Variants in KIF2A observed in about 807,000 individuals in gnomAD.
KIF2A encodes kinesin family member 2A.
KIF2A carries 22 observed loss-of-function variants against 100.2 expected under a neutral mutation model. The ratio of observed to expected loss-of-function variants is 0.22; its 90% CI spans 0.16 to 0.31. The LOEUF (loss-of-function observed/expected upper bound fraction) is 0.31, where lower values mean the gene tolerates loss of function less well. KIF2A is among the 10% of genes least tolerant of loss of function. The pLI, the probability that KIF2A is intolerant of heterozygous loss-of-function variation, is 1.00. For synonymous variants in KIF2A, 268 were observed against 285.9 expected (o/e 0.94, Z 0.63); for missense variants, 495 against 898.7 (o/e 0.55, Z 5.74).
At chr5:62,334,009 T>A (rs549127849) in intron 1 of KIF2A, among the ~76,000 whole-genome samples, 4 of 152,244 alleles carry the variant, frequency 2.6e-5, no homozygotes, top group South Asian at 2.1e-4. Flanking sequence ...GTCACCCTCC[T>A]CCTGACCCCG....
rs192260049 is a variant in KIF2A at position 62,381,945 on chromosome 5, C to T, written c.2149+692C>T. Among the ~76,000 whole-genome samples the T allele has an allele frequency of 4.8e-3, 734 of 152,312 alleles. 12 individuals are homozygous for T. The highest frequency in any genetic ancestry group is 7.6e-3 in the Non-Finnish European group (514 of 68,024). ...TCATGAAGGGAAGCATGTGCCTTAC[C>T]TACTAAGTCGTGTCTTTTTGGTTTT... is the stretch of plus-strand genomic sequence containing the variant. On this transcript the variant is annotated intron_variant, in intron 20 of 20. Transcript: ENST00000407818.
At chr5:62,325,644 C>T (rs919350817) in intron 1 of KIF2A, among the ~76,000 whole-genome samples, 6 of 152,114 alleles carry the variant, frequency 3.9e-5, no homozygotes, top group African/African-American at 1.4e-4. Flanking sequence ...AAAAAAATAA[C>T]AGATGTTGGC....
intron 5 of KIF2A, 154 bp downstream of exon 5, chr5:62,352,864 T>G (rs1159032593): frequency 1.7e-6 from 1 of 588,144 alleles, no homozygotes; most frequent in African/African-American, 2.0e-5. Context: ...TTCTTCTTAT[T>G]AGTCTGTTAA....
At chr5:62,310,670 A>G (rs186867585) in intron 1 of KIF2A, among the ~76,000 whole-genome samples, 155 of 152,262 alleles carry the variant, frequency 1.0e-3, no homozygotes, top group African/African-American at 3.6e-3. Flanking sequence ...CTGGTTTTCT[A>G]AGGTTATCAG....
chr5:62,387,068 C>T lies in KIF2A; in HGVS notation c.*1499C>T, dbSNP rs1484169821. On this transcript the variant is annotated 3_prime_UTR_variant, in exon 21 of 21. Transcript: ENST00000407818. ...CCAGATTCTTTACTGTTCATAAAAC[C>T]CAGAGAGTAGTTGTGAAAGATCCTA... 6.6e-6 allele frequency among the ~76,000 whole-genome samples: 1 copy of T among 152,098 alleles called. No homozygotes were observed. The highest frequency in any genetic ancestry group is 1.9e-4 in the East Asian group (1 of 5,200).
intron 1 of KIF2A, among the ~76,000 whole-genome samples, chr5:62,320,471 A>G (rs1379652383): frequency 1.3e-5 from 2 of 152,180 alleles, no homozygotes; most frequent in African/African-American, 4.8e-5. Flanking sequence ...TATCTGCAAA[A>G]ATGCCTGTTT....
chr5:62,355,054 G>A lies in KIF2A; in HGVS notation c.559-105G>A, dbSNP rs569138276. The A allele has an allele frequency of 9.9e-6, 6 of 606,572 alleles. No homozygotes were observed. The East Asian group carries it at 1.2e-4, about 12-fold the overall frequency. The allele number at this position is 606,572 out of a possible 1,614,324, so 37.6% of individuals were successfully genotyped here. A position where few individuals can be genotyped will look rare whatever the true frequency, so the allele number is the denominator to read the frequency against. On this transcript the variant is annotated intron_variant, in intron 6 of 20. Transcript: ENST00000407818. The stretch of plus-strand genomic sequence containing the variant: ...ATATCGTCAGTTTAAGTTTAGGCTT[G>A]GTTATGACAAATGGCACAATTTAAT...
At position 62,352,109 on chromosome 5, in the gene KIF2A, C is replaced by T. The variant is rs1405250422; in HGVS notation, c.335-479C>T. On this transcript the variant is annotated intron_variant, in intron 4 of 20. Coordinates refer to ENST00000407818, the MANE Select transcript of KIF2A (RefSeq NM_001098511.3). ...CGGAGGTCACAGTGAGCCGAGATTG[C>T]ACCACTGCACTCCAACCTGGGCAAC... Among the ~76,000 whole-genome samples the T allele has an allele frequency of 4.7e-5, 7 of 149,390 alleles. No individual in the cohort carries two copies. The East Asian group carries it at 1.2e-3, about 25-fold the overall frequency.
chr5:62,365,115 T>G, intron 14 of KIF2A, 128 bp from the exon 15 acceptor site: 1 of 469,116 alleles, frequency 2.1e-6, no homozygotes, highest in Non-Finnish European at 3.7e-6. Context: ...AAACTGTTAG[T>G]AGAATTTTCA....
At position 62,366,432 on chromosome 5, in the gene KIF2A, G is replaced by C; in HGVS notation, c.1597G>C (p.Gly533Arg). The change falls in exon 16 of 21, where the codon GGA becomes CGA. Residue 533 changes from glycine (G) to arginine (R), a missense_variant. This residue lies in a region of KIF2A where 100 missense variants were observed against 138.2 expected (regional missense o/e 0.72). Transcript: ENST00000407818. ...CCTGTAGATTGCCACAATCTCTCCA[G>C]GAATGGCATCCTGTGAAAATACTCT... Reference protein sequence around the residue: ...RTCMIATISPGMASCENTLNT... With the variant: ...RTCMIATISPRMASCENTLNT... 1 of 1,580,152 alleles carries C rather than the reference G, an allele frequency of 6.3e-7. No homozygotes were observed. The highest frequency in any genetic ancestry group is 8.6e-7 in the Non-Finnish European group (1 of 1,159,282).
At chr5:62,334,454 C>T (rs1394829097) in intron 1 of KIF2A, among the ~76,000 whole-genome samples, 2 of 151,922 alleles carry the variant, frequency 1.3e-5, no homozygotes, top group Non-Finnish European at 2.9e-5. Flanking sequence ...CATGCCCTGC[C>T]TACTACCTTC....
At chr5:62,373,871 T>C (rs1741427113) in intron 18 of KIF2A, 34 bp downstream of exon 18, 1 of 1,524,550 alleles carries the variant, frequency 6.6e-7, no homozygotes, top group Non-Finnish European at 9.1e-7. Context: ...GTTATAATCT[T>C]AGTTCATTTC....
rs397787076 is a variant in KIF2A, at chr5:62,337,500, A to AT, written c.65-9629dup. Among the ~76,000 whole-genome samples the AT allele has an allele frequency of 3.3e-5, 5 of 151,934 alleles. No individual in the cohort carries two copies. In the East Asian group the frequency reaches 7.7e-4, roughly 23 times the overall value. ...GAACAAGACTGTCTCAAAAAAAAAAATAAAGATTAGTATAACCATGATACC... is the reference window on the plus strand; with the variant it reads ...GAACAAGACTGTCTCAAAAAAAAAAATTAAAGATTAGTATAACCATGATACC... On this transcript the variant is annotated intron_variant, in intron 1 of 20. Coordinates refer to ENST00000407818, the MANE Select transcript of KIF2A (RefSeq NM_001098511.3).
chr5:62,353,798 A>G (rs1004118537), intron 6 of KIF2A, among the ~76,000 whole-genome samples: 10 of 152,100 alleles, frequency 6.6e-5, no homozygotes, highest in Admixed American at 6.6e-4. Context: ...AAAGGGGGGA[A>G]ATTCCTTGGA....
chr5:62,331,231 G>A (rs1468011059), intron 1 of KIF2A, among the ~76,000 whole-genome samples: 2 of 152,112 alleles, frequency 1.3e-5, no homozygotes, highest in African/African-American at 4.8e-5. Flanking sequence ...GACCAACATG[G>A]AGAAACCACA....
chr5:62,314,189 C>T (rs1047120581), intron 1 of KIF2A, among the ~76,000 whole-genome samples: 24 of 151,900 alleles, frequency 1.6e-4, no homozygotes, highest in Non-Finnish European at 3.1e-4. Context: ...GAGACTGGCT[C>T]GGTGTGGTGT....
chr5:62,383,522 C>G (rs1178503439), intron 20 of KIF2A, among the ~76,000 whole-genome samples: 1 of 152,142 alleles, frequency 6.6e-6, no homozygotes, highest in Non-Finnish European at 1.5e-5. Flanking sequence ...GGATTACAGG[C>G]ATGAGCCACC....
At chr5:62,318,838 A>C (rs777449612) in intron 1 of KIF2A, among the ~76,000 whole-genome samples, 26 of 152,182 alleles carry the variant, frequency 1.7e-4, no homozygotes, top group Non-Finnish European at 2.9e-4. Flanking sequence ...GGATTACTGC[A>C]TATCTCCATT....
At chr5:62,316,565 G>A (rs1745826480) in intron 1 of KIF2A, among the ~76,000 whole-genome samples, 1 of 152,178 alleles carries the variant, frequency 6.6e-6, no homozygotes, top group Non-Finnish European at 1.5e-5. Flanking sequence ...TATTCTGTAT[G>A]ATACTATAAA....
Sources: gnomAD v4.1 joint callset for allele counts (sites outside exome capture counted in the v4.1 genomes callset) on GRCh38, gnomAD v4.1.1 for gene constraint, gnomAD v4.1.1 regional missense constraint, MANE v1.5 for transcripts, NCBI Gene and HGNC (gene_info 2026-07-23, HGNC 2026-07-21) for gene names.